The following DIP2C variants were observed in gnomAD, a reference collection of about 807,000 sequenced individuals.
The protein encoded by DIP2C is disco-interacting protein 2 homolog C.
Under a neutral mutation model 192.4 loss-of-function variants are expected in DIP2C, and 33 were observed. That is an observed-to-expected ratio of 0.17 (90% CI 0.13 to 0.23). The LOEUF (loss-of-function observed/expected upper bound fraction) is 0.23, where lower values mean the gene tolerates loss of function less well. Ranked by LOEUF, DIP2C falls within the 10% of genes least tolerant of loss-of-function variation. DIP2C has a pLI of 1.00. For missense variants in DIP2C, 1,537 were observed against 2,110.1 expected (o/e 0.73, Z 5.32); for synonymous variants, 979 against 864.1 (o/e 1.13, Z -2.33).
At chr10:498,557 T>C (rs1338165958) in intron 1 of DIP2C, among the ~76,000 whole-genome samples, 6 of 152,182 alleles carry the variant, frequency 3.9e-5, no homozygotes, top group Admixed American at 3.3e-4. Flanking sequence ...GGCTCTCTCT[T>C]AGGGGGCTCG....
chr10:368,996 G>A lies in DIP2C; in HGVS notation c.2131+498C>T, dbSNP rs187684851. Among the ~76,000 whole-genome samples, 51 of 152,340 alleles carry A rather than the reference G, an allele frequency of 3.3e-4. No individual in the cohort carries two copies. In the East Asian group the frequency reaches 8.9e-3, roughly 27 times the overall value. On this transcript the variant is annotated intron_variant, in intron 18 of 36. Transcript: ENST00000280886. ...GGCACGGCGGGCCCTGCAGCTGGGCGCTTCCTCATGCATCTGTGGAAAAGG... is the reference window on the plus strand; with the variant it reads ...GGCACGGCGGGCCCTGCAGCTGGGCACTTCCTCATGCATCTGTGGAAAAGG...
chr10:546,943 AT>A (rs973699903), intron 1 of DIP2C, among the ~76,000 whole-genome samples: 9 of 152,188 alleles, frequency 5.9e-5, no homozygotes, highest in Admixed American at 2.0e-4. Context: ...CAATTTGTTC[AT>A]TTTTCAGGCC....
chr10:425,057 A>G (rs112017907), intron 4 of DIP2C, among the ~76,000 whole-genome samples: 3 of 104,742 alleles, frequency 2.9e-5, no homozygotes, highest in African/African-American at 1.2e-4. Context: ...GGTGACTAAT[A>G]TGACACGGAT....
At chr10:588,133 G>C (rs373940112) in intron 1 of DIP2C, among the ~76,000 whole-genome samples, 1 of 20,156 alleles carries the variant, frequency 5.0e-5, no homozygotes, top group East Asian at 1.8e-3. Flanking sequence ...CCCTGACCCT[G>C]CGGAAACCCC....
At chr10:507,183 G>A (rs1174019281) in intron 1 of DIP2C, among the ~76,000 whole-genome samples, 1 of 151,466 alleles carries the variant, frequency 6.6e-6, no homozygotes, top group Non-Finnish European at 1.5e-5. Flanking sequence ...CACCAGCTGT[G>A]CCCAATCAGA....
At chr10:457,214 TCTC>T (rs752128752) in intron 3 of DIP2C, among the ~76,000 whole-genome samples, 6 of 152,272 alleles carry the variant, frequency 3.9e-5, no homozygotes, top group Non-Finnish European at 7.3e-5. Context: ...AGTCTATGCA[TCTC>T]CTATTTTATT....
At chr10:622,552 G>A (rs1853936877) in intron 1 of DIP2C, among the ~76,000 whole-genome samples, 2 of 152,168 alleles carry the variant, frequency 1.3e-5, no homozygotes, top group South Asian at 4.1e-4. Context: ...TGTAATTGGA[G>A]TTGACAACAT....
At chr10:478,867 A>AC (rs1843377101) in intron 2 of DIP2C, among the ~76,000 whole-genome samples, 1 of 152,096 alleles carries the variant, frequency 6.6e-6, no homozygotes, top group South Asian at 2.1e-4. Context: ...TCTATGGCTC[A>AC]CCTTAGCTCC....
intron 36 of DIP2C, 121 bp downstream of exon 36, chr10:281,079 T>C (rs1027072844): frequency 3.3e-5 from 45 of 1,381,612 alleles, no homozygotes; most frequent in Admixed American, 3.0e-4. Flanking sequence ...TAGTCAAATG[T>C]TGAATCGCAC....
intron 3 of DIP2C, among the ~76,000 whole-genome samples, chr10:453,134 A>T (rs1564731274): frequency 6.6e-6 from 1 of 152,240 alleles, no homozygotes; most frequent in Non-Finnish European, 1.5e-5. Flanking sequence ...AAAACACAAT[A>T]TCCTTTTCAT....
chr10:496,498 C>T (rs1844847782), intron 1 of DIP2C, among the ~76,000 whole-genome samples: 1 of 151,582 alleles, frequency 6.6e-6, no homozygotes, highest in African/African-American at 2.4e-5. Flanking sequence ...CCACAGTGCC[C>T]TCCCGTGTAC....
intron 24 of DIP2C, among the ~76,000 whole-genome samples, chr10:352,234 T>C (rs1372348425): frequency 6.6e-6 from 1 of 152,256 alleles, no homozygotes; most frequent in African/African-American, 2.4e-5. Flanking sequence ...TTTGAGAGGC[T>C]CAGATGAGAC....
chr10:375,309 A>G (rs1961436885), intron 17 of DIP2C, among the ~76,000 whole-genome samples: 1 of 152,162 alleles, frequency 6.6e-6, no homozygotes, highest in East Asian at 1.9e-4. Flanking sequence ...ACCATGTGAC[A>G]TGCAGGCTCC....
At chr10:345,607 A>C (rs1199762664) in intron 26 of DIP2C, among the ~76,000 whole-genome samples, 6 of 138,868 alleles carry the variant, frequency 4.3e-5, no homozygotes, top group South Asian at 4.9e-4. Context: ...CGGAAACCCC[A>C]CACTCACCCA....
At chr10:444,189 G>A (rs548535990) in intron 3 of DIP2C, among the ~76,000 whole-genome samples, 1 of 151,956 alleles carries the variant, frequency 6.6e-6, no homozygotes, top group East Asian at 1.9e-4. Flanking sequence ...GTGTTCCTTG[G>A]CGCTCTTCCA....
intron 1 of DIP2C, among the ~76,000 whole-genome samples, chr10:593,695 G>A (rs1266813057): frequency 1.3e-5 from 2 of 152,108 alleles, no homozygotes; most frequent in Non-Finnish European, 2.9e-5. Context: ...ACGGCCTGGG[G>A]CACCACCTGA....
intron 1 of DIP2C, among the ~76,000 whole-genome samples, chr10:600,459 C>CTTAAAGA (rs1564251635): frequency 6.6e-6 from 1 of 150,580 alleles, no homozygotes; most frequent in Non-Finnish European, 1.5e-5. Context: ...CCGGAGCCAC[C>CTTAAAGA]CGACAGCCCT....
In DIP2C at chr10:548,437, C is replaced by T. The variant is rs555822021; in HGVS notation, c.86-61907G>A. Among the ~76,000 whole-genome samples the T allele has an allele frequency of 3.5e-4, 38 of 107,144 alleles. No individual in the cohort carries two copies. In the East Asian group the frequency reaches 0.012, roughly 35 times the overall value. The allele number at this position is 107,144 out of a possible 152,430, so 70.3% of individuals were successfully genotyped here. On this transcript the variant is annotated intron_variant, in intron 1 of 36. Transcript: ENST00000280886. ...AGTCAGCAGGAGCCGCGGAGGCCAC[C>T]GGGATGGAGGGAGGGAGGGAGGGAG...
At chr10:324,840 A>G (rs948713705) in intron 31 of DIP2C, 3 of 474,626 alleles carry the variant, frequency 6.3e-6, no homozygotes, top group African/African-American at 5.9e-5. Context: ...TGTGGAAAAC[A>G]CCAGCACGCC....
Sources: gnomAD v4.1 joint callset for allele counts (sites outside exome capture counted in the v4.1 genomes callset) on GRCh38, gnomAD v4.1.1 for gene constraint, MANE v1.5 for transcripts, NCBI Gene and HGNC (gene_info 2026-07-23, HGNC 2026-07-21) for gene names.